CYP4F3: variants seen among roughly 807,000 people sequenced by gnomAD.
The protein encoded by CYP4F3 is cytochrome P450 family 4 subfamily F member 3.
Under a neutral mutation model 54.8 loss-of-function variants are expected in CYP4F3, and 50 were observed. The observed-to-expected ratio is 0.91, with a 90% CI of 0.73 to 1.16. The LOEUF (loss-of-function observed/expected upper bound fraction) is 1.16. Among genes scored for constraint, CYP4F3 ranks in the 50% most tolerant of loss-of-function variants. The pLI is 0.00. For synonymous variants in CYP4F3, 244 were observed against 262.6 expected, an observed-to-expected ratio of 0.93 and a Z score of 0.69; for missense variants, 715 against 676.2, an observed-to-expected ratio of 1.06 and a Z score of -0.64.
chr19:15,651,913 A>G (rs1972868044), intron 7 of CYP4F3, among the ~76,000 whole-genome samples: 1 of 152,194 alleles, frequency 6.6e-6, no homozygotes. Flanking sequence ...CGGCAATACT[A>G]TCAGCCAGAG....
chr19:15,649,902 T>C lies in CYP4F3; in HGVS notation c.648-11T>C. The C allele has an allele frequency of 6.2e-7, 1 of 1,612,766 alleles. No homozygotes were observed. Among genetic ancestry groups the C allele is most frequent in the South Asian group, 1.1e-5 (1 of 91,068 alleles). ...TAAATTGTTGCCTCCCTTTCTGCCC[T>C]TATCCTGCAGGAAGCCCAGTGAATA... On this transcript the variant is annotated splice_polypyrimidine_tract_variant and intron_variant, in intron 6 of 12. Coordinates refer to ENST00000221307, the MANE Select transcript of CYP4F3 (RefSeq NM_000896.3).
At chr19:15,656,476 T>G in intron 9 of CYP4F3, among the ~76,000 whole-genome samples, 1 of 43,572 alleles carries the variant, frequency 2.3e-5, no homozygotes, top group South Asian at 8.7e-4. Context: ...TGTTTATCTA[T>G]CTATCTATCT....
rs1307431741 is a variant in CYP4F3 at position 15,661,174 on chromosome 19, A to C, written c.*1789A>C. The C allele has an allele frequency of 2.6e-5, 4 of 152,018 alleles. No homozygotes were observed. The highest frequency in any genetic ancestry group is 5.9e-5 in the Non-Finnish European group (4 of 68,016). 9.4% of individuals were successfully genotyped at this position (152,018 alleles called of 1,614,324 possible). ...CTACTCGGGAGGCTGATGCGGGAGAATCACTTGAAACCCACAGGCGGAGGT... is the reference window on the plus strand; with the variant it reads ...CTACTCGGGAGGCTGATGCGGGAGACTCACTTGAAACCCACAGGCGGAGGT... On this transcript the variant is annotated 3_prime_UTR_variant, in exon 13 of 13. Coordinates refer to ENST00000221307, the MANE Select transcript of CYP4F3 (RefSeq NM_000896.3).
At chr19:15,654,141 C>T (rs1972952347) in intron 9 of CYP4F3, among the ~76,000 whole-genome samples, 1 of 152,128 alleles carries the variant, frequency 6.6e-6, no homozygotes, top group South Asian at 2.1e-4. Context: ...ACTCAGTGTC[C>T]TCCCGTCCAT....
Position 15,658,330 on chromosome 19 carries a change from A to C in CYP4F3, c.1182A>C (p.Pro394=), listed in dbSNP as rs1463882777. The change falls in exon 10 of 13, where the codon CCA becomes CCC. Residue 394 remains proline (P), a synonymous_variant. Coordinates refer to ENST00000221307, the MANE Select transcript of CYP4F3 (RefSeq NM_000896.3). ...AGGAGAGCCTGAGGCTGCATCCCCC[A>C]GTCCCTGCCGTCTCTCGCTGCTGCA... ...CIKESLRLHP[P]VPAVSRCCTQ... The C allele has an allele frequency of 6.2e-7, 1 of 1,614,080 alleles. No individual in the cohort carries two copies.
At chr19:15,643,904 C>T (rs746567452) in intron 2 of CYP4F3, 1 of 1,558,690 alleles carries the variant, frequency 6.4e-7, no homozygotes, top group Non-Finnish European at 8.6e-7. Context: ...GCCTTGCTTG[C>T]AGGTCACCCC....
At chr19:15,653,195 G>C in intron 9 of CYP4F3, among the ~76,000 whole-genome samples, 1 of 152,060 alleles carries the variant, frequency 6.6e-6, no homozygotes, top group Non-Finnish European at 1.5e-5. Context: ...GACAGATAAC[G>C]CCACTTAGCA....
At chr19:15,657,621 T>C (rs1973061520) in intron 9 of CYP4F3, among the ~76,000 whole-genome samples, 1 of 151,856 alleles carries the variant, frequency 6.6e-6, no homozygotes, top group Non-Finnish European at 1.5e-5. Context: ...CTGAGTTTTA[T>C]GGCACAAACT....
chr19:15,650,666 TTC>T (rs773939215), intron 7 of CYP4F3, among the ~76,000 whole-genome samples: 6,201 of 30,382 alleles, frequency 0.2, 1,160 homozygotes, highest in East Asian at 0.44. Context: ...TTCTTTTTCT[TTC>T]TTTCTTTCTT....
At position 15,649,148 on chromosome 19, in the gene CYP4F3, T is replaced by G; in HGVS notation, c.526-12T>G. On this transcript the variant is annotated splice_polypyrimidine_tract_variant and intron_variant, in intron 5 of 12. Transcript: ENST00000221307. ...AGGGACCTGCCCCAGCTCTGTCCCCTTCTCTGGCTAGGCCAAGTGGCAGCT... is the reference window on the plus strand; with the variant it reads ...AGGGACCTGCCCCAGCTCTGTCCCCGTCTCTGGCTAGGCCAAGTGGCAGCT... The G allele has an allele frequency of 6.2e-7, 1 of 1,613,100 alleles. No homozygotes were observed. Among genetic ancestry groups the G allele is most frequent in the South Asian group, 1.1e-5 (1 of 91,070 alleles).
In CYP4F3 at chr19:15,641,620, G is replaced by A; in HGVS notation, c.198+7G>A. On this transcript the variant is annotated splice_region_variant and intron_variant, in intron 2 of 12. Transcript: ENST00000221307. ...CTTGGGTCACCTGGGCCTGGTGAGT[G>A]TGGCAGCAGGACGGGTCTGGGGTCT... The A allele has an allele frequency of 6.2e-7, 1 of 1,613,852 alleles. No individual in the cohort carries two copies. Among genetic ancestry groups the A allele is most frequent in the Non-Finnish European group, 8.5e-7 (1 of 1,179,828 alleles).
chr19:15,647,045 A>T lies in CYP4F3; in HGVS notation c.344-7A>T, dbSNP rs1159057592. The T allele has an allele frequency of 5.0e-6, 8 of 1,613,980 alleles. No individual in the cohort carries two copies. The highest frequency in any genetic ancestry group is 6.8e-6 in the Non-Finnish European group (8 of 1,179,970). ...CCATGGCCCCTGATTGTCCTCATTT[A>T]TGTCAGCTGCCATTGTACCAAAGGA... On this transcript the variant is annotated splice_polypyrimidine_tract_variant and splice_region_variant and intron_variant, in intron 3 of 12. Coordinates refer to ENST00000221307, the MANE Select transcript of CYP4F3 (RefSeq NM_000896.3).
At position 15,650,020 on chromosome 19, in the gene CYP4F3, A is replaced by G. The variant is rs767551828; in HGVS notation, c.755A>G (p.Asp252Gly). The change falls in exon 7 of 13, where the codon GAT (aspartate) becomes GGT (glycine). Residue 252 changes from aspartate to glycine, a missense_variant. Physicochemically the swap from Asp to Gly is moderately conservative, Grantham distance 94 (BLOSUM62 -1). Coordinates refer to ENST00000221307, the MANE Select transcript of CYP4F3 (RefSeq NM_000896.3). ...YIDFLYYLTP[D>G]GQRFRRACRL... Reference sequence around the variant, plus strand: ...GACTTCCTGTATTATCTCACCCCTGATGGGCAGCGTTTCCGCAGGGCCTGC... The same window carrying G: ...GACTTCCTGTATTATCTCACCCCTGGTGGGCAGCGTTTCCGCAGGGCCTGC... The G allele has an allele frequency of 3.7e-6, 6 of 1,614,178 alleles. No individual in the cohort carries two copies. The Admixed American group carries it at 8.3e-5, about 22-fold the overall frequency.
intron 3 of CYP4F3, 125 bp from the exon 4 acceptor site, chr19:15,646,927 C>A: frequency 7.2e-7 from 1 of 1,389,708 alleles, no homozygotes; most frequent in Non-Finnish European, 9.9e-7. Context: ...CTCCCCTTGA[C>A]CCTCTTCTTG....
rs1446090160 is a variant in CYP4F3 at position 15,655,383 on chromosome 19, A to G, written c.1115+2431A>G. On this transcript the variant is annotated intron_variant, in intron 9 of 12. Transcript: ENST00000221307. The stretch of plus-strand genomic sequence containing the variant: ...TGCAGAAGCTTTTTTGCTTGATATA[A>G]TCTCATTTCTCTATTGGCTCTGCTT... Among the ~76,000 whole-genome samples the G allele has an allele frequency of 2.6e-5, 4 of 152,084 alleles. No homozygotes were observed. The East Asian group carries it at 7.7e-4, about 29-fold the overall frequency.
In CYP4F3 at chr19:15,658,382, C is replaced by A. The variant is rs142036643; in HGVS notation, c.1234C>A (p.Arg412=). The change falls in exon 10 of 13, where the codon CGG becomes AGG. Residue 412 remains arginine, a synonymous_variant. Coordinates refer to ENST00000221307, the MANE Select transcript of CYP4F3 (RefSeq NM_000896.3). ...CTQDIVLPDG[R]VIPKGIICLI... is the part of the protein sequence containing the mutation. ...CCAAGACATTGTGCTCCCAGACGGC[C>A]GGGTCATCCCCAAAGGTGCCACAGC... is the stretch of plus-strand genomic sequence containing the variant. 1.3e-4 allele frequency: 211 copies of A among 1,614,004 alleles called. No homozygotes were observed. In the African/African-American group the frequency reaches 2.5e-3, roughly 19 times the overall value.
At chr19:15,653,716 C>T (rs1453539050) in intron 9 of CYP4F3, among the ~76,000 whole-genome samples, 6 of 129,806 alleles carry the variant, frequency 4.6e-5, no homozygotes, top group East Asian at 4.3e-4. Context: ...CTGGGGTCTT[C>T]GGGGGAGGAA....
intron 1 of CYP4F3, chr19:15,641,152 C>T (rs1048780802): frequency 3.0e-5 from 14 of 467,264 alleles, no homozygotes; most frequent in Non-Finnish European, 4.6e-5. Flanking sequence ...CCTAATGATT[C>T]AGGCTGGGCC....
At position 15,654,083 on chromosome 19, in the gene CYP4F3, A is replaced by C. The variant is rs376915265; in HGVS notation, c.1115+1131A>C. Among the ~76,000 whole-genome samples the C allele has an allele frequency of 1.1e-3, 107 of 96,178 alleles. 1 individual carries two copies. Among genetic ancestry groups the C allele is most frequent in the African/African-American group, 3.4e-3 (100 of 29,848 alleles). The allele number at this position is 96,178 out of a possible 152,430, so 63.1% of individuals were successfully genotyped here. Reference sequence around the variant, plus strand: ...GACATTCTGAGGCTCAAGCCAGGCCAGGGGCTGGAGGAAGGAGAGGAAGCA... The same window carrying C: ...GACATTCTGAGGCTCAAGCCAGGCCCGGGGCTGGAGGAAGGAGAGGAAGCA... On this transcript the variant is annotated intron_variant, in intron 9 of 12. Transcript: ENST00000221307.
Sources: gnomAD v4.1 joint callset for allele counts (sites outside exome capture counted in the v4.1 genomes callset) on GRCh38, gnomAD v4.1.1 for gene constraint, MANE v1.5 for transcripts, NCBI Gene and HGNC (gene_info 2026-07-23, HGNC 2026-07-21) for gene names.